TNNI3K: variants seen among roughly 807,000 people sequenced by gnomAD.
TNNI3K encodes the protein serine/threonine-protein kinase TNNI3K.
TNNI3K carries 140 observed loss-of-function variants against 114.5 expected under a neutral mutation model. The ratio of observed to expected loss-of-function variants is 1.22; its 90% CI spans 1.07 to 1.41. TNNI3K has a LOEUF of 1.41. Ranked by LOEUF, TNNI3K falls within the 40% of genes most tolerant of loss-of-function variation. The pLI, the probability that TNNI3K is intolerant of heterozygous loss-of-function variation, is 0.00. For missense variants in TNNI3K, 1,125 were observed against 1,007.6 expected (o/e 1.12, Z -1.58); for synonymous variants, 347 against 347.5 (o/e 1.00, Z 0.02).
chr1:74,531,349 G>C (rs910477852), intron 23 of TNNI3K, among the ~76,000 whole-genome samples: 6 of 152,182 alleles, frequency 3.9e-5, no homozygotes, highest in Non-Finnish European at 8.8e-5. Context: ...GAACTTAACT[G>C]ATAAATTAGC....
chr1:74,435,768 T>C (rs1453929225), intron 17 of TNNI3K, among the ~76,000 whole-genome samples: 1 of 152,036 alleles, frequency 6.6e-6, no homozygotes, highest in African/African-American at 2.4e-5. Flanking sequence ...CACAATTGTG[T>C]TAGCAAATGA....
rs149557859 is a variant in TNNI3K at position 74,462,362 on chromosome 1, A to G, written c.2012-1079A>G. Among the ~76,000 whole-genome samples the G allele has an allele frequency of 4.4e-4, 67 of 152,306 alleles. 1 individual carries two copies. In the East Asian group the frequency reaches 0.013, roughly 29 times the overall value. On this transcript the variant is annotated intron_variant, in intron 20 of 24. Transcript: ENST00000326637. ...ATAGACAGATGCTTACAATACCACA[A>G]TCTAAAAGACAGGCAGCAGCAATGT...
intron 4 of TNNI3K, among the ~76,000 whole-genome samples, chr1:74,259,745 C>T (rs1655556075): frequency 6.6e-6 from 1 of 152,140 alleles, no homozygotes; most frequent in Admixed American, 6.5e-5. Context: ...TGTACTCCAG[C>T]TGGGCAATAG....
intron 23 of TNNI3K, among the ~76,000 whole-genome samples, chr1:74,493,597 G>A (rs920726267): frequency 3.3e-5 from 5 of 152,080 alleles, no homozygotes; most frequent in Non-Finnish European, 5.9e-5. Context: ...AGAATTCAGG[G>A]ATATACAATC....
intron 20 of TNNI3K, among the ~76,000 whole-genome samples, chr1:74,446,033 A>G (rs1666651437): frequency 1.3e-5 from 2 of 152,108 alleles, no homozygotes; most frequent in Admixed American, 6.5e-5. Context: ...AGCATGATTT[A>G]TAGTCATTTG....
Position 74,342,896 on chromosome 1 carries a change from G to T in TNNI3K, c.737G>T (p.Gly246Val), listed in dbSNP as rs772528103. Reference protein sequence around the residue: ...HVPLHFCSRFGHHDIVKYLLQ... With the variant: ...HVPLHFCSRFVHHDIVKYLLQ... The stretch of plus-strand genomic sequence containing the variant: ...CCACTCCATTTCTGTTCTCGATTTG[G>T]ACACCATGATATAGTTAAGTATCTG... The change falls in exon 8 of 25, where the codon GGA becomes GTA. Residue 246 changes from glycine to valine, a missense_variant. Physicochemically the swap from Gly to Val is moderately radical, Grantham distance 109. Transcript: ENST00000326637. 6.2e-7 allele frequency: 1 copy of T among 1,613,806 alleles called. No individual in the cohort carries two copies.
chr1:74,496,576 T>G (rs34871290), intron 23 of TNNI3K, among the ~76,000 whole-genome samples: 15,843 of 152,086 alleles, frequency 0.1, 2,166 homozygotes, highest in African/African-American at 0.32. Context: ...TGCTTGATTT[T>G]ATGGGGTTTT....
At chr1:74,448,272 A>T (rs999552002) in intron 20 of TNNI3K, among the ~76,000 whole-genome samples, 1 of 125,154 alleles carries the variant, frequency 8.0e-6, no homozygotes, top group Admixed American at 7.4e-5. Context: ...AAAAAAAAAA[A>T]AAAAAAAAAA....
At chr1:74,463,969 A>G (rs1667558992) in intron 21 of TNNI3K, among the ~76,000 whole-genome samples, 1 of 152,214 alleles carries the variant, frequency 6.6e-6, no homozygotes. Flanking sequence ...TAGGAGGCAG[A>G]AGACCTGGGT....
chr1:74,466,207 T>C (rs1667674318), intron 21 of TNNI3K, among the ~76,000 whole-genome samples: 1 of 152,182 alleles, frequency 6.6e-6, no homozygotes, highest in Non-Finnish European at 1.5e-5. Context: ...GGCTTCATTC[T>C]TGAAGTCAGC....
chr1:74,531,126 C>T (rs1442506500), intron 23 of TNNI3K, among the ~76,000 whole-genome samples: 3 of 152,068 alleles, frequency 2.0e-5, no homozygotes, highest in Non-Finnish European at 4.4e-5. Context: ...GGGACATTTG[C>T]CATTGAAAGA....
chr1:74,465,292 GAGGTAACC>G (rs1667621175), intron 21 of TNNI3K, among the ~76,000 whole-genome samples: 2 of 152,322 alleles, frequency 1.3e-5, no homozygotes, highest in Admixed American at 1.3e-4. Context: ...AGAGGCGCAG[GAGGTAACC>G]AGCTGGCGCT....
intron 5 of TNNI3K, among the ~76,000 whole-genome samples, chr1:74,281,241 G>T (rs1656993522): frequency 6.6e-6 from 1 of 152,044 alleles, no homozygotes; most frequent in South Asian, 2.1e-4. Context: ...GTGTGACCCA[G>T]CGCAGTCTCA....
At chr1:74,394,603 T>C (rs551364533) in intron 17 of TNNI3K, among the ~76,000 whole-genome samples, 55 of 152,300 alleles carry the variant, frequency 3.6e-4, no homozygotes, top group African/African-American at 1.2e-3. Flanking sequence ...GATGAAAGTT[T>C]ACTAGCCTGC....
At chr1:74,483,134 A>G (rs776686755) in intron 21 of TNNI3K, 14 of 525,574 alleles carry the variant, frequency 2.7e-5, no homozygotes, top group Admixed American at 6.7e-5. Flanking sequence ...TAGTCATTGT[A>G]TGAAGTGTAC....
chr1:74,458,179 G>A (rs1667305955), intron 20 of TNNI3K, among the ~76,000 whole-genome samples: 1 of 152,118 alleles, frequency 6.6e-6, no homozygotes, highest in Non-Finnish European at 1.5e-5. Flanking sequence ...TGTGGGTTAA[G>A]TTCTTTTAGG....
intron 13 of TNNI3K, 122 bp downstream of exon 13, chr1:74,368,086 T>C: frequency 2.2e-6 from 2 of 918,358 alleles, no homozygotes; most frequent in East Asian, 6.0e-5. Context: ...ACAACAAATA[T>C]TATTGACAGA....
At chr1:74,278,306 G>T (rs1656804670) in intron 5 of TNNI3K, among the ~76,000 whole-genome samples, 1 of 152,126 alleles carries the variant, frequency 6.6e-6, no homozygotes, top group Non-Finnish European at 1.5e-5. Context: ...AGATAACTTT[G>T]TACTGAACAT....
At chr1:74,314,406 G>A (rs895105909) in intron 5 of TNNI3K, among the ~76,000 whole-genome samples, 1 of 151,828 alleles carries the variant, frequency 6.6e-6, no homozygotes, top group African/African-American at 2.4e-5. Flanking sequence ...AAATAAAGTC[G>A]CTTTCTTTGT....
Sources: allele counts gnomAD v4.1 joint callset (sites outside exome capture counted in the v4.1 genomes callset), GRCh38; gene constraint gnomAD v4.1.1; transcripts MANE v1.5; gene names NCBI Gene and HGNC (gene_info 2026-07-23, HGNC 2026-07-21).